Variants in CHUK observed in about 807,000 individuals in gnomAD.
CHUK encodes inhibitor of nuclear factor kappa-B kinase subunit alpha.
CHUK carries 35 observed loss-of-function variants against 104.8 expected under a neutral mutation model. That is an observed-to-expected ratio of 0.33 (90% CI 0.26 to 0.44). The LOEUF is 0.44. Among genes scored for constraint, CHUK ranks in the 20% least tolerant of loss-of-function variants. The pLI is 1.00. For synonymous variants in CHUK, 276 were observed against 291.9 expected, an observed-to-expected ratio of 0.95 and a Z score of 0.56; for missense variants, 663 against 902.7, an observed-to-expected ratio of 0.73 and a Z score of 3.40.
At chr10:100,212,438 CT>C in intron 9 of CHUK, among the ~76,000 whole-genome samples, 1 of 152,246 alleles carries the variant, frequency 6.6e-6, no homozygotes, top group South Asian at 2.1e-4. Flanking sequence ...TGAATTTCTT[CT>C]TTTGAGAAGT....
intron 19 of CHUK, 119 bp from the exon 20 acceptor site, chr10:100,191,087 T>C (rs2134203900): frequency 1.4e-6 from 1 of 739,890 alleles, no homozygotes; most frequent in Admixed American, 1.9e-5. Context: ...AGTACCCCAG[T>C]GCAGTTGACT....
intron 9 of CHUK, among the ~76,000 whole-genome samples, chr10:100,215,825 T>C (rs982028609): frequency 1.3e-5 from 2 of 152,198 alleles, no homozygotes; most frequent in African/African-American, 4.8e-5. Context: ...CATGCTTCTG[T>C]ACTTTTGCTC....
intron 1 of CHUK, among the ~76,000 whole-genome samples, chr10:100,227,262 A>G (rs1846125545): frequency 6.6e-6 from 1 of 152,248 alleles, no homozygotes; most frequent in African/African-American, 2.4e-5. Flanking sequence ...GATGTACAAC[A>G]ACAACAAAAA....
chr10:100,205,132 A>G lies in CHUK; in HGVS notation c.1299T>C (p.Tyr433=). 1.9e-6 allele frequency: 3 copies of G among 1,614,058 alleles called. No homozygotes were observed. The highest frequency in any genetic ancestry group is 1.7e-6 in the Non-Finnish European group (2 of 1,179,894). ...LRKVWAEAVH[Y]VSGLKEDYSR... is the part of the protein sequence containing the mutation. ...TATAGTCTTCTTTTAGTCCAGACACATAGTGCACTGCTTCAGCCCACACTT... is the reference window on the plus strand; with the variant it reads ...TATAGTCTTCTTTTAGTCCAGACACGTAGTGCACTGCTTCAGCCCACACTT... Residue 433 remains tyrosine, a synonymous_variant, in exon 12 of 21, where the codon TAT becomes TAC. Coordinates refer to ENST00000370397, the MANE Select transcript of CHUK (RefSeq NM_001278.5).
rs1304933413 is a variant in CHUK, at chr10:100,209,603, C to T, written c.1120G>A (p.Asp374Asn). 1 of 1,594,758 alleles carries T rather than the reference C, an allele frequency of 6.3e-7. No homozygotes were observed. The highest frequency in any genetic ancestry group is 8.6e-7 in the Non-Finnish European group (1 of 1,162,340). The change falls in exon 10 of 21, where the codon GAT becomes AAT. Residue 374 changes from aspartate to asparagine, a missense_variant. Coordinates refer to ENST00000370397, the MANE Select transcript of CHUK (RefSeq NM_001278.5). ...PRKPASQCVL[D>N]GVRGCDSYMV... ...ATAATTAATTTTCTTACAACTCCAT[C>T]TAGAACACATTGAGAGGCTGGTTTC... is the stretch of plus-strand genomic sequence containing the variant.
chr10:100,196,638 C>A (rs147636304), intron 16 of CHUK, among the ~76,000 whole-genome samples: 1 of 152,050 alleles, frequency 6.6e-6, no homozygotes, highest in Non-Finnish European at 1.5e-5. Flanking sequence ...TGGCCTCAAA[C>A]GATCCTCCTG....
At chr10:100,192,193 A>G (rs1196993705) in intron 19 of CHUK, among the ~76,000 whole-genome samples, 1 of 152,240 alleles carries the variant, frequency 6.6e-6, no homozygotes, top group Non-Finnish European at 1.5e-5. Context: ...AAGCAACTAC[A>G]CTTCAAATTG....
At chr10:100,187,215 A>G (rs189485490), downstream of CHUK, 3 of 152,388 alleles carry the variant, frequency 2.0e-5, no homozygotes, top group African/African-American at 7.2e-5. Context: ...CAATGAATCT[A>G]TAAAACGGCT....
chr10:100,198,238 C>T (rs968539783), intron 16 of CHUK, among the ~76,000 whole-genome samples: 7 of 152,144 alleles, frequency 4.6e-5, no homozygotes, highest in South Asian at 2.1e-4. Context: ...CAACTAGCAA[C>T]GTAAACAATT....
At chr10:100,199,880 T>C in intron 16 of CHUK, 91 bp downstream of exon 16, 1 of 968,654 alleles carries the variant, frequency 1.0e-6, no homozygotes, top group Non-Finnish European at 1.7e-6. Context: ...TTAAGAAAAT[T>C]TTTAACTTAA....
At chr10:100,209,928 TCTC>T (rs1845685096) in intron 9 of CHUK, 139 bp from the exon 10 acceptor site, 7 of 553,512 alleles carry the variant, frequency 1.3e-5, no homozygotes, top group Non-Finnish European at 1.3e-5. Context: ...CAAAGTGAGA[TCTC>T]CTTTTATAAT....
chr10:100,204,443 C>T, intron 13 of CHUK, 63 bp downstream of exon 13: 1 of 1,423,286 alleles, frequency 7.0e-7, no homozygotes, highest in African/African-American at 1.4e-5. Flanking sequence ...GTTAAGAAGG[C>T]AAAATAACAG....
chr10:100,187,464 A>G (rs1845071112), downstream of CHUK: 1 of 152,234 alleles, frequency 6.6e-6, no homozygotes, highest in African/African-American at 2.4e-5. Context: ...TGATATTTGC[A>G]GAGCTTAGCT....
At chr10:100,220,369 GA>G (rs1386620158) in intron 5 of CHUK, among the ~76,000 whole-genome samples, 1 of 148,618 alleles carries the variant, frequency 6.7e-6, no homozygotes. Flanking sequence ...AAAAGAAAAA[GA>G]AAAAAAAAGC....
Position 100,202,145 on chromosome 10 carries a change from T to G in CHUK, c.1512A>C (p.Ser504=), listed in dbSNP as rs200461553. 2.1e-4 allele frequency: 344 copies of G among 1,609,608 alleles called. No homozygotes were observed. The highest frequency in any genetic ancestry group is 2.9e-4 in the Non-Finnish European group (336 of 1,176,350). Residue 504 remains serine (S), a synonymous_variant, in exon 14 of 21, where the codon TCA becomes TCC. Transcript: ENST00000370397. ...YSEQMTYGIS[S]EKMLKAWKEM... is the part of the protein sequence containing the mutation. Reference sequence around the variant, plus strand: ...CTTTCCATGCTTTTAGCATTTTTTCTGAAGCTAAAAGAAAAGTCTAAATTG... The same window carrying G: ...CTTTCCATGCTTTTAGCATTTTTTCGGAAGCTAAAAGAAAAGTCTAAATTG...
intron 19 of CHUK, among the ~76,000 whole-genome samples, chr10:100,191,354 TAAAAACACCAGC>T (rs962876864): frequency 1.3e-5 from 2 of 152,206 alleles, no homozygotes; most frequent in African/African-American, 4.8e-5. Flanking sequence ...TTAAAAGTAG[TAAAAACACCAGC>T]ATGCATACTT....
rs1377378004 is a variant in CHUK at position 100,220,080 on chromosome 10, T to C, written c.474+508A>G. On this transcript the variant is annotated intron_variant, in intron 5 of 20. Transcript: ENST00000370397. ...TTAAGTTACCAATGAAATGAACATTTTAAGAGTCAATTCACAATTTCTGGT... is the reference window on the plus strand; with the variant it reads ...TTAAGTTACCAATGAAATGAACATTCTAAGAGTCAATTCACAATTTCTGGT... 2.0e-5 allele frequency among the ~76,000 whole-genome samples: 3 copies of C among 152,202 alleles called. No homozygotes were observed. The East Asian group carries it at 5.8e-4, about 29-fold the overall frequency.
chr10:100,222,171 T>G lies in CHUK; in HGVS notation c.326A>C (p.Lys109Thr), dbSNP rs776857165. The change falls in exon 4 of 21, where the codon AAA (lysine) becomes ACA (threonine). Residue 109 changes from lysine (K) to threonine (T), a missense_variant. Transcript: ENST00000370397. ...SGGDLRKLLN[K>T]PENCCGLKES... ...TTTAAGTCCACAACAATTTTCTGGT[T>G]TGTTGAGCAGCTAAAAAAAGAAAGA... The G allele has an allele frequency of 1.3e-6, 2 of 1,598,402 alleles. No homozygotes were observed. The highest frequency in any genetic ancestry group is 2.2e-5 in the South Asian group (2 of 90,734).
intron 10 of CHUK, 73 bp from the exon 11 acceptor site, chr10:100,207,405 C>T: frequency 1.3e-6 from 1 of 758,844 alleles, no homozygotes. Context: ...AATACTTATG[C>T]ACCAGATTTC....
Sources: gnomAD v4.1 joint callset for allele counts (sites outside exome capture counted in the v4.1 genomes callset) on GRCh38, gnomAD v4.1.1 for gene constraint, MANE v1.5 for transcripts, NCBI Gene and HGNC (gene_info 2026-07-23, HGNC 2026-07-21) for gene names.